POLR1A: variants seen among roughly 807,000 people sequenced by gnomAD.
POLR1A encodes the protein RNA polymerase I subunit A.
Under a neutral mutation model 205.3 loss-of-function variants are expected in POLR1A, and 84 were observed. That is an observed-to-expected ratio of 0.41 (90% CI 0.34 to 0.49). POLR1A has a LOEUF of 0.49. Ranked by LOEUF, POLR1A falls within the 20% of genes least tolerant of loss-of-function variation. The pLI is 0.22. For missense variants in POLR1A, 1,645 were observed against 2,204.5 expected (o/e 0.75, Z 5.08); for synonymous variants, 799 against 863.7 (o/e 0.93, Z 1.31).
At chr2:86,077,053 T>C (rs1425366726) in intron 11 of POLR1A, among the ~76,000 whole-genome samples, 1 of 152,162 alleles carries the variant, frequency 6.6e-6, no homozygotes, top group African/African-American at 2.4e-5. Flanking sequence ...GATGAGGCCA[T>C]GGGGACACAG....
chr2:86,051,364 GC>G (rs1276923695), intron 16 of POLR1A, among the ~76,000 whole-genome samples: 4 of 144,962 alleles, frequency 2.8e-5, no homozygotes, highest in South Asian at 4.3e-4. Flanking sequence ...CTTCATGTAT[GC>G]TTTTTTTTTT....
intron 16 of POLR1A, among the ~76,000 whole-genome samples, chr2:86,051,344 T>A (rs1186106152): frequency 6.6e-6 from 1 of 151,640 alleles, no homozygotes; most frequent in East Asian, 1.9e-4. Flanking sequence ...GCTGGGTGAT[T>A]TTAAATTATC....
rs938422681 is a variant in POLR1A, at chr2:86,042,220, G to T, written c.3358-117C>A. The T allele has an allele frequency of 1.5e-5, 11 of 741,348 alleles. No individual in the cohort carries two copies. The African/African-American group carries it at 1.9e-4, about 13-fold the overall frequency. The allele number at this position is 741,348 out of a possible 1,614,324, so 45.9% of individuals were successfully genotyped here. Reference sequence around the variant, plus strand: ...AGACAGAAAGAAACCTGATTGCAATGAGAAACCATCTCCCCATTTAAAATG... The same window carrying T: ...AGACAGAAAGAAACCTGATTGCAATTAGAAACCATCTCCCCATTTAAAATG... On this transcript the variant is annotated intron_variant, in intron 23 of 33. Transcript: ENST00000263857.
chr2:86,068,266 G>A (rs145938999), intron 13 of POLR1A, among the ~76,000 whole-genome samples: 1,762 of 151,784 alleles, frequency 0.012, 15 homozygotes, highest in Non-Finnish European at 0.018. Flanking sequence ...AATATGACTC[G>A]GCTGCTATAG....
At chr2:86,075,678 T>C (rs931402927) in intron 11 of POLR1A, among the ~76,000 whole-genome samples, 1 of 152,124 alleles carries the variant, frequency 6.6e-6, no homozygotes, top group Non-Finnish European at 1.5e-5. Flanking sequence ...CTGGCTAATT[T>C]TGTATTTTTA....
chr2:86,098,597 C>G lies in POLR1A; in HGVS notation c.432+14G>C. On this transcript the variant is annotated intron_variant, in intron 3 of 33. Transcript: ENST00000263857. Reference sequence around the variant, plus strand: ...TGCCTTTTCTGATTTCTGTGACCACCACTACCCACCTACCCTGTTCAGAAT... The same window carrying G: ...TGCCTTTTCTGATTTCTGTGACCACGACTACCCACCTACCCTGTTCAGAAT... 6.2e-7 allele frequency: 1 copy of G among 1,611,554 alleles called. No homozygotes were observed. The highest frequency in any genetic ancestry group is 8.5e-7 in the Non-Finnish European group (1 of 1,179,254).
chr2:86,028,804 G>A lies in POLR1A; in HGVS notation c.4780-93C>T. 1 of 869,462 alleles carries A rather than the reference G, an allele frequency of 1.2e-6. No individual in the cohort carries two copies. The highest frequency in any genetic ancestry group is 1.9e-6 in the Non-Finnish European group (1 of 528,586). 53.9% of individuals were successfully genotyped at this position (869,462 alleles called of 1,614,324 possible). A position where few individuals can be genotyped will look rare whatever the true frequency, so the allele number is the denominator to read the frequency against. On this transcript the variant is annotated intron_variant, in intron 31 of 33. Transcript: ENST00000263857. This position sits in a 1 kb window ranked among gnomAD's most constrained non-coding sequence, Gnocchi z 4.5. ...CCCCCTGGCCGCTCTCTCTCTCCTTGTGTCTGGCAGCTCGGTACAGCTGAT... is the reference window on the plus strand; with the variant it reads ...CCCCCTGGCCGCTCTCTCTCTCCTTATGTCTGGCAGCTCGGTACAGCTGAT...
chr2:86,049,120 C>T (rs747452093), intron 17 of POLR1A, 40 bp downstream of exon 17: 19 of 1,609,816 alleles, frequency 1.2e-5, no homozygotes, highest in South Asian at 7.7e-5. Context: ...ACACACTTCA[C>T]CCCTCTAGGG....
At chr2:86,056,523 G>GC (rs894815596) in intron 14 of POLR1A, among the ~76,000 whole-genome samples, 2 of 152,014 alleles carry the variant, frequency 1.3e-5, no homozygotes, top group African/African-American at 4.8e-5. Context: ...GAAGGTTGCC[G>GC]CACTAAACAA....
chr2:86,097,644 T>C (rs1008869949), intron 3 of POLR1A, among the ~76,000 whole-genome samples: 2 of 152,118 alleles, frequency 1.3e-5, no homozygotes, highest in East Asian at 3.8e-4. Flanking sequence ...GAACAGAAAG[T>C]TAAACACTGC....
intron 14 of POLR1A, among the ~76,000 whole-genome samples, chr2:86,059,327 T>C (rs1179602100): frequency 1.3e-5 from 2 of 152,206 alleles, no homozygotes; most frequent in Non-Finnish European, 2.9e-5. Context: ...GACTGTCTGA[T>C]ATAATGGAGT....
intron 16 of POLR1A, among the ~76,000 whole-genome samples, chr2:86,052,098 C>A (rs918459971): frequency 6.6e-6 from 1 of 152,206 alleles, no homozygotes. Flanking sequence ...GTGCTTGCCA[C>A]GACACCTGGC....
intron 6 of POLR1A, among the ~76,000 whole-genome samples, chr2:86,084,665 CTTTTT>C (rs546893329): frequency 1.6e-5 from 2 of 127,620 alleles, no homozygotes; most frequent in Admixed American, 8.3e-5. Context: ...TTGCCTTTTC[CTTTTT>C]TTTTTTTTTT....
At chr2:86,044,603 T>C (rs1672678070) in intron 21 of POLR1A, among the ~76,000 whole-genome samples, 1 of 152,096 alleles carries the variant, frequency 6.6e-6, no homozygotes, top group Non-Finnish European at 1.5e-5. Context: ...CTGAGATGAC[T>C]GTCTGCCCCT....
intron 13 of POLR1A, 175 bp from the exon 14 acceptor site, chr2:86,065,640 A>C: frequency 4.9e-6 from 3 of 613,140 alleles, no homozygotes; most frequent in Non-Finnish European, 8.6e-6. Context: ...TTCCCAAAGC[A>C]CATGACCAGG....
At chr2:86,088,118 G>A (rs1405630266) in intron 6 of POLR1A, among the ~76,000 whole-genome samples, 1 of 152,150 alleles carries the variant, frequency 6.6e-6, no homozygotes, top group Non-Finnish European at 1.5e-5. Context: ...CTACCTGGGG[G>A]GATCTGGGTG....
intron 29 of POLR1A, 34 bp from the exon 30 acceptor site, chr2:86,031,669 G>C: frequency 6.3e-7 from 1 of 1,580,270 alleles, no homozygotes; most frequent in South Asian, 1.2e-5. Flanking sequence ...TGTGTCACTT[G>C]GGGACCCACC....
intron 6 of POLR1A, 136 bp from the exon 7 acceptor site, chr2:86,083,304 G>T (rs1573829511): frequency 2.0e-5 from 13 of 665,400 alleles, no homozygotes; most frequent in South Asian, 1.9e-4. Flanking sequence ...ATATTATCAG[G>T]CCTGGATTCC....
Position 86,088,681 on chromosome 2 carries a change from G to GA in POLR1A, c.627-13dup, listed in dbSNP as rs760074741. ...CGGATCGCCCGGTCCTGTGCAGGAG[G>GA]ACAGTTGTGATTGAAGAGAGAAAAA... On this transcript the variant is annotated splice_polypyrimidine_tract_variant and intron_variant, in intron 5 of 33. Coordinates refer to ENST00000263857, the MANE Select transcript of POLR1A (RefSeq NM_015425.6). The GA allele has an allele frequency of 3.7e-6, 6 of 1,610,640 alleles. No homozygotes were observed. The South Asian group carries it at 4.4e-5, about 12-fold the overall frequency.
Sources: allele counts gnomAD v4.1 joint callset (sites outside exome capture counted in the v4.1 genomes callset), GRCh38; gene constraint gnomAD v4.1.1; non-coding constraint Gnocchi (gnomAD v3.1); transcripts MANE v1.5; gene names NCBI Gene and HGNC (gene_info 2026-07-23, HGNC 2026-07-21).